Variants in IL1RAPL1 observed in about 807,000 individuals in gnomAD.
The protein encoded by IL1RAPL1 is interleukin 1 receptor accessory protein like 1, also known as interleukin-1 receptor accessory protein-like 1.
IL1RAPL1 carries 3 observed loss-of-function variants against 48.4 expected under a neutral mutation model. The ratio of observed to expected loss-of-function variants is 0.06; its 90% CI spans 0.03 to 0.16. The LOEUF (loss-of-function observed/expected upper bound fraction) is 0.16. Among genes scored for constraint, IL1RAPL1 ranks in the 10% least tolerant of loss-of-function variants. IL1RAPL1 has a pLI of 1.00. For synonymous variants in IL1RAPL1, 185 were observed against 187.7 expected, an observed-to-expected ratio of 0.99 and a Z score of 0.12; for missense variants, 349 against 530.6, an observed-to-expected ratio of 0.66 and a Z score of 3.36.
chrX:29,342,770 T>C (rs1309598863), intron 3 of IL1RAPL1, among the ~76,000 whole-genome samples: 1 of 112,265 alleles, frequency 8.9e-6, no homozygotes, highest in Non-Finnish European at 1.9e-5. Context: ...TGTCTAATTA[T>C]GCTAACACGC....
chrX:29,506,434 T>TCCC (rs1227588078), intron 5 of IL1RAPL1, among the ~76,000 whole-genome samples: 1 of 93,425 alleles, frequency 1.1e-5, no homozygotes, highest in African/African-American at 3.9e-5. Context: ...CTTCTCCTTC[T>TCCC]CCTTCTCCTC....
intron 5 of IL1RAPL1, among the ~76,000 whole-genome samples, chrX:29,498,043 T>A (rs1935232242): frequency 8.9e-6 from 1 of 112,469 alleles, no homozygotes; most frequent in Non-Finnish European, 1.9e-5. Flanking sequence ...TCTTACTAGT[T>A]ACTTGGCACG....
At chrX:28,940,115 G>A (rs1439712332) in intron 2 of IL1RAPL1, among the ~76,000 whole-genome samples, 2 of 111,315 alleles carry the variant, frequency 1.8e-5, no homozygotes, top group Non-Finnish European at 3.8e-5. Context: ...AACAGAAAAA[G>A]ATAAATAAGC....
intron 2 of IL1RAPL1, among the ~76,000 whole-genome samples, chrX:28,813,809 G>A (rs903028208): frequency 3.6e-5 from 4 of 110,629 alleles, no homozygotes; most frequent in Admixed American, 1.9e-4. Context: ...TTGCACATTT[G>A]GAAGTCTGAA....
chrX:29,089,715 C>T (rs1249579304), intron 2 of IL1RAPL1, among the ~76,000 whole-genome samples: 1 of 71,581 alleles, frequency 1.4e-5, no homozygotes, highest in Non-Finnish European at 2.5e-5. Flanking sequence ...TTATGGTCGT[C>T]GTTCGTTTTT....
rs934284794 is a variant in IL1RAPL1, at chrX:28,825,303, G to A, written c.82+35878G>A. Among the ~76,000 whole-genome samples, 3 of 111,430 alleles carry A rather than the reference G, an allele frequency of 2.7e-5. No individual in the cohort carries two copies. The Admixed American group carries it at 2.9e-4, about 11-fold the overall frequency. ...CTGCTATAAGATAGTCATCTCAGCAGGCATTTTGATCAGTCATTACCTTTG... is the reference window on the plus strand; with the variant it reads ...CTGCTATAAGATAGTCATCTCAGCAAGCATTTTGATCAGTCATTACCTTTG... On this transcript the variant is annotated intron_variant, in intron 2 of 10. Coordinates refer to ENST00000378993, the MANE Select transcript of IL1RAPL1 (RefSeq NM_014271.4).
chrX:28,697,901 A>G (rs1307487332), intron 1 of IL1RAPL1, among the ~76,000 whole-genome samples: 1 of 110,850 alleles, frequency 9.0e-6, no homozygotes, highest in Non-Finnish European at 1.9e-5. Flanking sequence ...TAAGAGTATG[A>G]CAGGTTTCTG....
intron 2 of IL1RAPL1, among the ~76,000 whole-genome samples, chrX:29,009,542 C>G (rs934401283): frequency 1.2e-4 from 13 of 111,534 alleles, no homozygotes; most frequent in African/African-American, 3.9e-4. Flanking sequence ...TTTATGCCGA[C>G]TTTGTTGATG....
At chrX:29,258,358 A>G (rs764680588) in intron 2 of IL1RAPL1, among the ~76,000 whole-genome samples, 3 of 111,771 alleles carry the variant, frequency 2.7e-5, no homozygotes, top group East Asian at 5.6e-4. Context: ...TCACAAAAAA[A>G]CAAGGTTAAA....
chrX:29,378,023 A>G (rs914570927), intron 3 of IL1RAPL1, among the ~76,000 whole-genome samples: 20 of 108,191 alleles, frequency 1.8e-4, no homozygotes, highest in African/African-American at 6.7e-4. Context: ...GCCACTGCAC[A>G]TAATTCCCTA....
At chrX:29,824,702 AG>A (rs1930694827) in intron 6 of IL1RAPL1, among the ~76,000 whole-genome samples, 1 of 111,793 alleles carries the variant, frequency 8.9e-6, no homozygotes. Flanking sequence ...GTCTCAGTGA[AG>A]GGGAAATTAA....
chrX:29,935,333 ATT>A (rs1402522424), intron 8 of IL1RAPL1, among the ~76,000 whole-genome samples: 1 of 111,148 alleles, frequency 9.0e-6, no homozygotes, highest in Non-Finnish European at 1.9e-5. Context: ...TCTATTGATA[ATT>A]TTTGCCTGAA....
chrX:28,720,122 T>C (rs998233197), intron 1 of IL1RAPL1, among the ~76,000 whole-genome samples: 4 of 111,554 alleles, frequency 3.6e-5, no homozygotes, highest in African/African-American at 1.3e-4. Context: ...AAAAAGTCCC[T>C]GCACCTGGAG....
intron 9 of IL1RAPL1, among the ~76,000 whole-genome samples, chrX:29,953,601 G>T (rs1933356622): frequency 9.0e-6 from 1 of 111,444 alleles, no homozygotes; most frequent in Admixed American, 9.5e-5. Flanking sequence ...AAATAACTTG[G>T]CAATATTTTA....
At chrX:29,098,399 C>G (rs4893604) in intron 2 of IL1RAPL1, among the ~76,000 whole-genome samples, 23,171 of 111,205 alleles carry the variant, frequency 0.21, 2,098 homozygotes, top group East Asian at 0.44. Flanking sequence ...TTACCCTGTT[C>G]ACCTTTTGTG....
chrX:29,803,435 ACATC>A (rs1191589055), intron 6 of IL1RAPL1, among the ~76,000 whole-genome samples: 2 of 96,433 alleles, frequency 2.1e-5, no homozygotes, highest in Admixed American at 1.2e-4. Flanking sequence ...ATATATGTAT[ACATC>A]TATGTATATA....
chrX:28,944,595 AT>A (rs1480090470), intron 2 of IL1RAPL1, among the ~76,000 whole-genome samples: 2 of 110,765 alleles, frequency 1.8e-5, no homozygotes, highest in African/African-American at 6.5e-5. Context: ...TCTGTTCACA[AT>A]TTTTTAAAAT....
At chrX:29,740,968 T>C (rs1031484424) in intron 6 of IL1RAPL1, among the ~76,000 whole-genome samples, 13 of 108,755 alleles carry the variant, frequency 1.2e-4, no homozygotes, top group African/African-American at 3.9e-4. Flanking sequence ...GTTGTTATTC[T>C]GGATGAGTAA....
chrX:29,943,545 A>T (rs1011658666), intron 9 of IL1RAPL1, among the ~76,000 whole-genome samples: 25 of 112,046 alleles, frequency 2.2e-4, no homozygotes, highest in African/African-American at 6.8e-4. Flanking sequence ...TATTTTTTTT[A>T]AATTTAGTAT....
Sources: allele counts gnomAD v4.1 joint callset (sites outside exome capture counted in the v4.1 genomes callset), GRCh38; gene constraint gnomAD v4.1.1; transcripts MANE v1.5; gene names NCBI Gene and HGNC (gene_info 2026-07-23, HGNC 2026-07-21).